SNX25: variants seen among roughly 807,000 people sequenced by gnomAD.
The protein encoded by SNX25 is sorting nexin 25.
Under a neutral mutation model 113.7 loss-of-function variants are expected in SNX25, and 62 were observed. The ratio of observed to expected loss-of-function variants is 0.55; its 90% CI spans 0.44 to 0.67. The LOEUF is 0.67. SNX25 is among the 30% of genes least tolerant of loss of function. The probability of loss-of-function intolerance (pLI) is 0.00; values close to 1 mark genes in which losing one functional copy is unlikely to be tolerated. For synonymous variants in SNX25, 421 were observed against 436.2 expected, an observed-to-expected ratio of 0.97 and a Z score of 0.43; for missense variants, 1,014 against 1,161.0, an observed-to-expected ratio of 0.87 and a Z score of 1.84.
intron 11 of SNX25, among the ~76,000 whole-genome samples, chr4:185,340,891 G>A (rs537821371): frequency 3.1e-4 from 47 of 152,252 alleles, no homozygotes; most frequent in African/African-American, 1.1e-3. Flanking sequence ...TCCCAGAAAG[G>A]TGCGGAGGAT....
At chr4:185,215,674 G>T (rs114343930) in intron 1 of SNX25, among the ~76,000 whole-genome samples, 1 of 151,918 alleles carries the variant, frequency 6.6e-6, no homozygotes, top group African/African-American at 2.4e-5. Flanking sequence ...ATATTCTTTT[G>T]CGTTTTAACT....
Position 185,363,306 on chromosome 4 carries a change from T to A in SNX25, c.2935-79T>A. ...TTTCAGACCTAAAATTAGACTTTTC[T>A]CTTAGATGCAGATATTTATTTTGAA... is the stretch of plus-strand genomic sequence containing the variant. On this transcript the variant is annotated intron_variant, in intron 18 of 18. Transcript: ENST00000652585. The surrounding 1 kb of genome is among the most constrained non-coding windows in gnomAD (Gnocchi z 4.2). 7.3e-7 allele frequency: 1 copy of A among 1,367,988 alleles called. No individual in the cohort carries two copies. Among genetic ancestry groups the A allele is most frequent in the Non-Finnish European group, 1.0e-6 (1 of 976,242 alleles). The allele number at this position is 1,367,988 out of a possible 1,614,324, so 84.7% of individuals were successfully genotyped here. A position where few individuals can be genotyped will look rare whatever the true frequency, so the allele number is the denominator to read the frequency against.
chr4:185,227,763 G>A (rs1163771558), intron 1 of SNX25, among the ~76,000 whole-genome samples: 4 of 152,152 alleles, frequency 2.6e-5, no homozygotes, highest in South Asian at 4.2e-4. Context: ...TCCAGCTGGC[G>A]GCTAGGTCTG....
intron 1 of SNX25, among the ~76,000 whole-genome samples, chr4:185,220,030 G>C (rs72706090): frequency 0.12 from 18,916 of 151,744 alleles, 1,271 homozygotes; most frequent in African/African-American, 0.16. Flanking sequence ...TCATTCTTGA[G>C]GTCTCATTCT....
intron 5 of SNX25, among the ~76,000 whole-genome samples, chr4:185,285,489 T>G (rs1228994006): frequency 3.3e-5 from 5 of 152,250 alleles, no homozygotes; most frequent in Non-Finnish European, 7.3e-5. Flanking sequence ...GTTTTCATTT[T>G]GATTTTTTTC....
At chr4:185,326,955 A>G (rs1005736923) in intron 9 of SNX25, among the ~76,000 whole-genome samples, 6 of 152,228 alleles carry the variant, frequency 3.9e-5, no homozygotes, top group Non-Finnish European at 8.8e-5. Flanking sequence ...ACTTTAGCCA[A>G]TATGTTTACA....
downstream of SNX25, chr4:185,365,502 TCC>T (rs2095383851): frequency 6.6e-6 from 1 of 151,892 alleles, no homozygotes; most frequent in African/African-American, 2.4e-5. Context: ...ACTACAGGCG[TCC>T]GCCATCACGC....
chr4:185,372,983 C>G, downstream of SNX25: 1 of 1,614,036 alleles, frequency 6.2e-7, no homozygotes, highest in South Asian at 1.1e-5. Context: ...GCTTCCGTAT[C>G]CTGCCGGATG....
intron 6 of SNX25, 29 bp from the exon 7 acceptor site, chr4:185,310,606 C>T (rs1192538489): frequency 1.2e-6 from 2 of 1,600,320 alleles, no homozygotes; most frequent in Non-Finnish European, 1.7e-6. Flanking sequence ...TGTCCTCTGA[C>T]CAGGTACTGT....
chr4:185,216,607 T>C (rs953123071), intron 1 of SNX25, among the ~76,000 whole-genome samples: 3 of 150,672 alleles, frequency 2.0e-5, no homozygotes, highest in African/African-American at 7.4e-5. Flanking sequence ...GTAACTTCTG[T>C]TTCCTGGGTT....
chr4:185,297,151 C>A (rs565471005), intron 6 of SNX25, among the ~76,000 whole-genome samples: 38 of 152,242 alleles, frequency 2.5e-4, no homozygotes, highest in Admixed American at 5.2e-4. Context: ...TTATTTTATA[C>A]CCGTGCTGCC....
At position 185,315,075 on chromosome 4, in the gene SNX25, A is replaced by C. The variant is rs1192675853; in HGVS notation, c.1344+4259A>C. On this transcript the variant is annotated intron_variant, in intron 7 of 18. Transcript: ENST00000652585. ...AACCCCGTCTCTACTAAAAATACAA[A>C]AAATTAGCCGGGCGCGGTGGTGGGC... 4.0e-5 allele frequency among the ~76,000 whole-genome samples: 6 copies of C among 149,242 alleles called. No individual in the cohort carries two copies. In the East Asian group the frequency reaches 1.2e-3, roughly 31 times the overall value.
chr4:185,377,033 G>A, the SNX25 span: 1 of 1,542,368 alleles, frequency 6.5e-7, no homozygotes, highest in Middle Eastern at 1.7e-4. Flanking sequence ...TTTTAAAAAG[G>A]TAAGGAATTC....
chr4:185,338,003 T>G (rs896839046), intron 10 of SNX25, among the ~76,000 whole-genome samples: 50 of 152,320 alleles, frequency 3.3e-4, no homozygotes, highest in African/African-American at 1.2e-3. Context: ...CCTTTGTGCA[T>G]TTTTAAATTG....
intron 6 of SNX25, among the ~76,000 whole-genome samples, chr4:185,290,326 C>A (rs1182072299): frequency 1.3e-5 from 2 of 152,222 alleles, no homozygotes; most frequent in Non-Finnish European, 2.9e-5. Context: ...TGTTTTCCGT[C>A]TAAGCTGTCC....
intron 6 of SNX25, among the ~76,000 whole-genome samples, chr4:185,308,252 T>G (rs1247420969): frequency 2.0e-5 from 3 of 152,168 alleles, no homozygotes; most frequent in Non-Finnish European, 4.4e-5. Flanking sequence ...TTTTTATGAG[T>G]TTTTTGCTTT....
downstream of SNX25, chr4:185,372,951 T>C (rs1455125107): frequency 5.0e-6 from 8 of 1,613,886 alleles, no homozygotes; most frequent in African/African-American, 9.3e-5. Context: ...GTTCTGCTGC[T>C]TCTCTTAAGC....
downstream of SNX25, chr4:185,364,994 TAGAG>T (rs1391431882): frequency 1.3e-5 from 2 of 148,174 alleles, no homozygotes; most frequent in African/African-American, 5.2e-5. Context: ...CAAGGAATCT[TAGAG>T]AAGGAGTGTG....
Position 185,323,639 on chromosome 4 carries a change from A to G in SNX25, c.1588A>G (p.Asn530Asp), listed in dbSNP as rs2095136223. 1 of 1,613,626 alleles carries G rather than the reference A, an allele frequency of 6.2e-7. No individual in the cohort carries two copies. The highest frequency in any genetic ancestry group is 1.1e-5 in the South Asian group (1 of 91,076). The stretch of plus-strand genomic sequence containing the variant: ...AGAAATTCAGCAGTGTCTTGTAGGA[A>G]ATAAAGGTATTGAAGTATTCTACAA... ...YKEIQQCLVG[N>D]KGIEVFYKIQ... The change falls in exon 9 of 19, where the codon AAT (asparagine) becomes GAT (aspartate). Residue 530 changes from asparagine to aspartate, a missense_variant. Asn to Asp is a conservative substitution (Grantham distance 23). Transcript: ENST00000652585.
Sources: allele counts gnomAD v4.1 joint callset (sites outside exome capture counted in the v4.1 genomes callset), GRCh38; gene constraint gnomAD v4.1.1; non-coding constraint Gnocchi (gnomAD v3.1); transcripts MANE v1.5; gene names NCBI Gene and HGNC (gene_info 2026-07-23, HGNC 2026-07-21).